The following S100Z variants were observed in gnomAD, a reference collection of about 807,000 sequenced individuals.
S100Z encodes protein S100-Z.
A neutral mutation model predicts 8.5 loss-of-function variants in S100Z; 11 were observed. That is an observed-to-expected ratio of 1.30 (90% CI 0.82 to 2.15). The LOEUF (loss-of-function observed/expected upper bound fraction) is 2.15, where lower values mean the gene tolerates loss of function less well. S100Z is among the 30% of genes most tolerant of loss of function. The probability of loss-of-function intolerance (pLI) is 0.00; values close to 1 mark genes in which losing one functional copy is unlikely to be tolerated. For synonymous variants in S100Z, 34 were observed against 43.8 expected, an observed-to-expected ratio of 0.78 and a Z score of 0.89; for missense variants, 126 against 117.9, an observed-to-expected ratio of 1.07 and a Z score of -0.32.
chr5:76,892,790 C>T (rs539639240), intron 4 of S100Z, among the ~76,000 whole-genome samples: 1 of 152,284 alleles, frequency 6.6e-6, no homozygotes, highest in East Asian at 1.9e-4. Flanking sequence ...GTGCATTCTT[C>T]TGTAGCTCTG....
At chr5:76,881,089 G>T (rs1305085454) in intron 4 of S100Z, among the ~76,000 whole-genome samples, 1 of 152,134 alleles carries the variant, frequency 6.6e-6, no homozygotes. Context: ...ACTTCATCAG[G>T]GTGAAAGTAT....
At chr5:76,884,727 T>C (rs1289678822) in intron 4 of S100Z, among the ~76,000 whole-genome samples, 1 of 151,702 alleles carries the variant, frequency 6.6e-6, no homozygotes, top group Non-Finnish European at 1.5e-5. Flanking sequence ...AGACTGGGTG[T>C]GAGGAGGGGA....
chr5:76,893,675 C>G (rs985687483), intron 4 of S100Z, among the ~76,000 whole-genome samples: 1 of 152,160 alleles, frequency 6.6e-6, no homozygotes, highest in Non-Finnish European at 1.5e-5. Flanking sequence ...ATACTCCCCT[C>G]GCCCTGAGGA....
chr5:76,879,648 T>A (rs1301499697), intron 4 of S100Z, among the ~76,000 whole-genome samples: 1 of 152,014 alleles, frequency 6.6e-6, no homozygotes, highest in Admixed American at 6.6e-5. Context: ...AGCCACAGGA[T>A]TAGAGGAGGT....
the S100Z span, among the ~76,000 whole-genome samples, chr5:76,937,557 A>G: frequency 6.6e-6 from 1 of 151,922 alleles, no homozygotes; most frequent in Non-Finnish European, 1.5e-5. Context: ...GGAGTTTAAG[A>G]TCAGCCTGGA....
the S100Z span, among the ~76,000 whole-genome samples, chr5:76,930,944 G>A: frequency 2.6e-5 from 4 of 152,172 alleles, no homozygotes; most frequent in African/African-American, 7.2e-5. Context: ...AAATCAATTC[G>A]AGAGCAGCCT....
intron 1 of S100Z, among the ~76,000 whole-genome samples, chr5:76,863,698 C>T (rs1436274454): frequency 7.9e-5 from 12 of 151,854 alleles, no homozygotes; most frequent in Non-Finnish European, 1.6e-4. Flanking sequence ...GCCACCACAC[C>T]CAGCTAATTT....
chr5:76,951,418 A>G, the S100Z span, among the ~76,000 whole-genome samples: 162 of 152,342 alleles, frequency 1.1e-3, no homozygotes, highest in African/African-American at 3.7e-3. Context: ...CTGGAGTGAC[A>G]TCAGGTGCCA....
intron 4 of S100Z, among the ~76,000 whole-genome samples, chr5:76,904,873 T>C (rs1744372496): frequency 6.6e-6 from 1 of 152,172 alleles, no homozygotes; most frequent in African/African-American, 2.4e-5. Flanking sequence ...ATATTGTCTT[T>C]TGTAGAACAT....
chr5:76,944,429 T>C, the S100Z span, among the ~76,000 whole-genome samples: 2 of 152,066 alleles, frequency 1.3e-5, no homozygotes, highest in Non-Finnish European at 2.9e-5. Flanking sequence ...AACAGACATA[T>C]TAAAAGTTAG....
At position 76,875,484 on chromosome 5, in the gene S100Z, T is replaced by C; in HGVS notation, c.125T>C (p.Leu42Pro). ...GELKLLLQRELTEFLSCQKET... is the reference protein window; with the variant it reads ...GELKLLLQREPTEFLSCQKET... Reference sequence around the variant, plus strand: ...CTGAAACTGCTCCTGCAGCGAGAGCTCACGGAATTCCTCTCGGTGAGTCAG... The same window carrying C: ...CTGAAACTGCTCCTGCAGCGAGAGCCCACGGAATTCCTCTCGGTGAGTCAG... The change falls in exon 3 of 5, where the codon CTC (leucine) becomes CCC (proline). Residue 42 changes from leucine to proline, a missense_variant. Coordinates refer to ENST00000317593, the MANE Select transcript of S100Z (RefSeq NM_130772.4). 6.2e-7 allele frequency: 1 copy of C among 1,609,046 alleles called. No individual in the cohort carries two copies. The highest frequency in any genetic ancestry group is 8.5e-7 in the Non-Finnish European group (1 of 1,178,052).
chr5:76,948,287 C>G, the S100Z span, among the ~76,000 whole-genome samples: 1 of 151,838 alleles, frequency 6.6e-6, no homozygotes, highest in Non-Finnish European at 1.5e-5. Flanking sequence ...GATTATGCCA[C>G]AGCACTCCAG....
the S100Z span, among the ~76,000 whole-genome samples, chr5:76,931,778 G>C: frequency 3.3e-5 from 5 of 150,638 alleles, no homozygotes; most frequent in Middle Eastern, 3.4e-3. Context: ...TTACAGGAAA[G>C]AAAGAACATT....
At chr5:76,892,301 C>G (rs935761122) in intron 4 of S100Z, among the ~76,000 whole-genome samples, 2 of 152,112 alleles carry the variant, frequency 1.3e-5, no homozygotes, top group African/African-American at 4.8e-5. Context: ...CCATCCTACT[C>G]TTTCAAATTG....
At chr5:76,887,817 C>T (rs1263922823) in intron 4 of S100Z, among the ~76,000 whole-genome samples, 1 of 152,120 alleles carries the variant, frequency 6.6e-6, no homozygotes, top group Non-Finnish European at 1.5e-5. Flanking sequence ...TTTTTTCCCC[C>T]TTAAATAGAA....
chr5:76,886,208 C>T (rs934635323), intron 4 of S100Z, among the ~76,000 whole-genome samples: 1 of 152,186 alleles, frequency 6.6e-6, no homozygotes, highest in African/African-American at 2.4e-5. Flanking sequence ...GGTGAATAAT[C>T]AGGCAGGCGA....
At chr5:76,855,429 A>T (rs148251488) in intron 1 of S100Z, among the ~76,000 whole-genome samples, 32 of 152,312 alleles carry the variant, frequency 2.1e-4, no homozygotes, top group African/African-American at 7.5e-4. Context: ...AGGCCTTCGG[A>T]GTCCACCCCT....
chr5:76,940,982 T>C, the S100Z span, among the ~76,000 whole-genome samples: 3 of 152,214 alleles, frequency 2.0e-5, no homozygotes, highest in South Asian at 4.2e-4. Flanking sequence ...GATTGGGTTA[T>C]GGGTGTGTAT....
Position 76,877,830 on chromosome 5 carries a change from TA to T in S100Z, c.*1del, listed in dbSNP as rs1235570823. ...AGAACAATTGAAGAAGAAAGGAAAA[TA>T]AAGGTAAGTAATAAGCTCATCTAAA... is the stretch of plus-strand genomic sequence containing the variant. ...FVEQLKKKGK* is the reference protein window; with the variant it reads ...FVEQLKKKGKX On this transcript the variant is annotated frameshift_variant and stop_lost, in exon 4 of 5. Coordinates refer to ENST00000317593, the MANE Select transcript of S100Z (RefSeq NM_130772.4). LOFTEE classifies it high-confidence loss of function. 6.2e-7 allele frequency: 1 copy of T among 1,607,552 alleles called. No individual in the cohort carries two copies. Among genetic ancestry groups the T allele is most frequent in the East Asian group, 2.2e-5 (1 of 44,820 alleles).
Sources: gnomAD v4.1 joint callset for allele counts (sites outside exome capture counted in the v4.1 genomes callset) on GRCh38, gnomAD v4.1.1 for gene constraint, MANE v1.5 for transcripts, NCBI Gene and HGNC (gene_info 2026-07-23, HGNC 2026-07-21) for gene names.